Variants in KRCC1 observed in about 807,000 individuals in gnomAD.
KRCC1 encodes the protein lysine-rich coiled-coil protein 1.
A neutral mutation model predicts 7.4 loss-of-function variants in KRCC1; 3 were observed. The ratio of observed to expected loss-of-function variants is 0.40; its 90% CI spans 0.18 to 1.04. The LOEUF (loss-of-function observed/expected upper bound fraction) is 1.04, where lower values mean the gene tolerates loss of function less well. Among genes scored for constraint, KRCC1 ranks in the 50% least tolerant of loss-of-function variants. The probability of loss-of-function intolerance (pLI) is 0.33; values close to 1 mark genes in which losing one functional copy is unlikely to be tolerated. For synonymous variants in KRCC1, 102 were observed against 101.6 expected (o/e 1.00, Z -0.02); for missense variants, 277 against 300.9 (o/e 0.92, Z 0.59).
intron 3 of KRCC1, among the ~76,000 whole-genome samples, chr2:88,031,772 A>G (rs981669574): frequency 2.0e-5 from 3 of 152,164 alleles, no homozygotes; most frequent in African/African-American, 7.2e-5. Context: ...AGTTAAAAAA[A>G]TTTAAAAGTT....
intron 2 of KRCC1, among the ~76,000 whole-genome samples, chr2:88,036,471 C>T (rs1023398951): frequency 1.1e-4 from 16 of 152,000 alleles, no homozygotes; most frequent in African/African-American, 3.9e-4. Context: ...TAAGGAAGTA[C>T]AATCATTAGA....
chr2:88,037,415 A>G (rs568085840), intron 1 of KRCC1, among the ~76,000 whole-genome samples: 1 of 152,328 alleles, frequency 6.6e-6, no homozygotes, highest in African/African-American at 2.4e-5. Flanking sequence ...TTCTAGATAC[A>G]TCACCAATGT....
intron 1 of KRCC1, among the ~76,000 whole-genome samples, chr2:88,050,924 C>CTTTTTTTTTTTTTTTTTTTTT (rs60827041): frequency 8.0e-6 from 1 of 125,384 alleles, no homozygotes; most frequent in Non-Finnish European, 1.7e-5. Flanking sequence ...TCCTTACTTG[C>CTTTTTTTTTTTTTTTTTTTTT]TTTTTTTTTT....
intron 1 of KRCC1, among the ~76,000 whole-genome samples, chr2:88,046,293 C>T (rs77713543): frequency 2.6e-5 from 4 of 152,294 alleles, no homozygotes; most frequent in East Asian, 1.9e-4. Flanking sequence ...TTAACCTCTC[C>T]GCCTTAGGTT....
chr2:88,030,851 C>A (rs1168989199), intron 3 of KRCC1, among the ~76,000 whole-genome samples: 1 of 152,160 alleles, frequency 6.6e-6, no homozygotes, highest in Non-Finnish European at 1.5e-5. Flanking sequence ...TTTTGGTCAA[C>A]AATGGACTGA....
chr2:88,053,765 G>A (rs1027183620), intron 1 of KRCC1, among the ~76,000 whole-genome samples: 1 of 152,064 alleles, frequency 6.6e-6, no homozygotes, highest in Non-Finnish European at 1.5e-5. Context: ...AAAATATTAT[G>A]GGATAACACA....
chr2:88,040,523 T>C (rs1673187360), intron 1 of KRCC1, among the ~76,000 whole-genome samples: 2 of 152,222 alleles, frequency 1.3e-5, no homozygotes, highest in South Asian at 2.1e-4. Flanking sequence ...CAACAGATTA[T>C]TGTTTCTGTT....
intron 1 of KRCC1, among the ~76,000 whole-genome samples, chr2:88,044,781 A>G (rs1327771960): frequency 3.3e-5 from 5 of 152,164 alleles, no homozygotes; most frequent in African/African-American, 1.2e-4. Flanking sequence ...AAGTGCTGGT[A>G]AAGATGTTAA....
chr2:88,035,531 G>A (rs1673075150), intron 2 of KRCC1, among the ~76,000 whole-genome samples: 4 of 152,106 alleles, frequency 2.6e-5, no homozygotes, highest in Admixed American at 2.6e-4. Context: ...TCATGGAACT[G>A]TCCTAACAGC....
intron 3 of KRCC1, among the ~76,000 whole-genome samples, chr2:88,029,933 C>T (rs939607389): frequency 2.7e-5 from 4 of 150,236 alleles, no homozygotes; most frequent in Admixed American, 6.6e-5. Flanking sequence ...CTGCAACCTC[C>T]GCCTCCAGGG....
intron 3 of KRCC1, among the ~76,000 whole-genome samples, chr2:88,029,662 G>T (rs1672955018): frequency 6.6e-6 from 1 of 151,938 alleles, no homozygotes; most frequent in Non-Finnish European, 1.5e-5. Flanking sequence ...GACTGATTTG[G>T]AGAAGAGTTT....
At position 88,032,675 on chromosome 2, in the gene KRCC1, G is replaced by A. The variant is rs185124767; in HGVS notation, c.-23+1459C>T. Reference sequence around the variant, plus strand: ...TCAAATGTCAATCAACAGGTGAATGGATTAAATCAAACAGTGGTATAACGA... The same window carrying A: ...TCAAATGTCAATCAACAGGTGAATGAATTAAATCAAACAGTGGTATAACGA... On this transcript the variant is annotated intron_variant, in intron 3 of 3. Transcript: ENST00000347055. 1.6e-3 allele frequency among the ~76,000 whole-genome samples: 242 copies of A among 152,260 alleles called. 2 individuals carry two copies. Among genetic ancestry groups the A allele is most frequent in the African/African-American group, 5.6e-3 (231 of 41,516 alleles).
intron 3 of KRCC1, 59 bp from the exon 4 acceptor site, chr2:88,028,644 C>CTTTTTTTTTTTTTTTTTTTTTTTTTTTT (rs35917852): frequency 4.8e-6 from 2 of 412,536 alleles, no homozygotes; most frequent in Non-Finnish European, 8.2e-6. Flanking sequence ...TTCCTTTGCT[C>CTTTTTTTTTTTTTTTTTTTTTTTTTTTT]TTTTTTTTTT....
intron 1 of KRCC1, among the ~76,000 whole-genome samples, chr2:88,041,455 C>A (rs1175491337): frequency 6.6e-6 from 1 of 152,182 alleles, no homozygotes; most frequent in African/African-American, 2.4e-5. Context: ...TAGTATCTTG[C>A]ACATCTCTCC....
Position 88,028,196 on chromosome 2 carries a change from T to C in KRCC1, c.368A>G (p.Gln123Arg), listed in dbSNP as rs1040161685. ...ACCATGTGAGCCACAAATATATTCT[T>C]GTTGATTAAAGTTCAGGGGTACTGG... ...EKPVPLNFNQ[Q>R]EYICGSHGVE... is the part of the protein sequence containing the mutation. The change falls in exon 4 of 4, where the codon CAA (glutamine) becomes CGA (arginine). Residue 123 changes from glutamine (Q) to arginine (R), a missense_variant. Gln to Arg is a conservative substitution (Grantham distance 43). Transcript: ENST00000347055. 1 of 1,614,190 alleles carries C rather than the reference T, an allele frequency of 6.2e-7. No individual in the cohort carries two copies. The highest frequency in any genetic ancestry group is 1.1e-5 in the South Asian group (1 of 91,084).
At chr2:88,049,491 C>CA (rs936079401) in intron 1 of KRCC1, among the ~76,000 whole-genome samples, 203 of 152,088 alleles carry the variant, frequency 1.3e-3, no homozygotes, top group African/African-American at 4.7e-3. Context: ...ACTAAAAATA[C>CA]AAAAAAACTA....
intron 3 of KRCC1, among the ~76,000 whole-genome samples, chr2:88,029,832 A>AT (rs1206313714): frequency 2.1e-5 from 2 of 96,962 alleles, no homozygotes; most frequent in East Asian, 3.5e-4. Flanking sequence ...TTATATATAT[A>AT]TAAAAAAATA....
intron 1 of KRCC1, among the ~76,000 whole-genome samples, chr2:88,040,642 T>A (rs2104615260): frequency 6.6e-6 from 1 of 152,366 alleles, no homozygotes; most frequent in Admixed American, 6.5e-5. Context: ...AAACCTTGGT[T>A]TATCTCAACC....
intron 1 of KRCC1, among the ~76,000 whole-genome samples, chr2:88,046,916 C>A (rs1023416755): frequency 6.6e-6 from 1 of 152,174 alleles, no homozygotes; most frequent in African/African-American, 2.4e-5. Flanking sequence ...TGAAGGAATC[C>A]ACCTGCCTCA....
Sources: gnomAD v4.1 joint callset for allele counts (sites outside exome capture counted in the v4.1 genomes callset) on GRCh38, gnomAD v4.1.1 for gene constraint, MANE v1.5 for transcripts, NCBI Gene and HGNC (gene_info 2026-07-23, HGNC 2026-07-21) for gene names.